Variants in MAP3K8 observed in about 807,000 individuals in gnomAD.
The protein encoded by MAP3K8 is mitogen-activated protein kinase kinase kinase 8, also known as Ewing sarcoma transformant.
In MAP3K8, 22 loss-of-function variants were observed where a neutral mutation model predicts 45.8. That is an observed-to-expected ratio of 0.48 (90% CI 0.34 to 0.69). MAP3K8 has a LOEUF of 0.69. Ranked by LOEUF, MAP3K8 falls within the 30% of genes least tolerant of loss-of-function variation. The probability of loss-of-function intolerance (pLI) is 0.01; values close to 1 mark genes in which losing one functional copy is unlikely to be tolerated. For synonymous variants in MAP3K8, 223 were observed against 214.3 expected (o/e 1.04, Z -0.36); for missense variants, 419 against 585.0 (o/e 0.72, Z 2.93).
intron 6 of MAP3K8, among the ~76,000 whole-genome samples, chr10:30,452,505 C>T (rs975500855): frequency 8.6e-5 from 13 of 151,056 alleles, no homozygotes; most frequent in African/African-American, 1.5e-4. Flanking sequence ...TGGTGGTACA[C>T]GCCTGTAGTC....
At chr10:30,458,262 G>GGGC (rs1198195106) in intron 7 of MAP3K8, 26 bp downstream of exon 7, 2 of 1,311,536 alleles carry the variant, frequency 1.5e-6, no homozygotes, top group Non-Finnish European at 2.0e-6. Flanking sequence ...CCAGGGCTGG[G>GGGC]GGCGGCGGGG....
intron 3 of MAP3K8, among the ~76,000 whole-genome samples, chr10:30,447,110 C>T (rs1042428553): frequency 1.3e-5 from 2 of 152,192 alleles, no homozygotes; most frequent in Admixed American, 1.3e-4. Context: ...TTGGCTTGCT[C>T]ATGAACCCTG....
chr10:30,441,555 A>G (rs952715066), intron 3 of MAP3K8, among the ~76,000 whole-genome samples: 1 of 152,248 alleles, frequency 6.6e-6, no homozygotes, highest in African/African-American at 2.4e-5. Flanking sequence ...AATATAACAT[A>G]TAAAACAAGA....
chr10:30,460,868 C>G lies in MAP3K8; in HGVS notation c.*32C>G. On this transcript the variant is annotated 3_prime_UTR_variant, in exon 9 of 9. Transcript: ENST00000263056. ...CCATGTTTGCTCTAAATTAAGACAG[C>G]ATTGATCTCCTGGAGGCTGGTTCTG... 5 of 1,610,484 alleles carry G rather than the reference C, an allele frequency of 3.1e-6. No homozygotes were observed. The highest frequency in any genetic ancestry group is 4.2e-6 in the Non-Finnish European group (5 of 1,179,396).
In MAP3K8 at chr10:30,459,505, G is replaced by A; in HGVS notation, c.1273+4G>A. The A allele has an allele frequency of 6.2e-7, 1 of 1,613,180 alleles. No individual in the cohort carries two copies. Among genetic ancestry groups the A allele is most frequent in the South Asian group, 1.1e-5 (1 of 91,012 alleles). On this transcript the variant is annotated splice_donor_region_variant and intron_variant, in intron 8 of 8. Transcript: ENST00000263056. ...GAACTTCCTGAGAACATTGCTGGTAGGGACACCCTGCTGTGTGCCGCACAC... is the reference window on the plus strand; with the variant it reads ...GAACTTCCTGAGAACATTGCTGGTAAGGACACCCTGCTGTGTGCCGCACAC...
chr10:30,449,247 G>A (rs1836451796), intron 4 of MAP3K8, among the ~76,000 whole-genome samples: 1 of 152,002 alleles, frequency 6.6e-6, no homozygotes, highest in South Asian at 2.1e-4. Flanking sequence ...GTTTTTTCTG[G>A]TTTGTTTTTC....
At chr10:30,443,526 C>A (rs1038784858) in intron 3 of MAP3K8, among the ~76,000 whole-genome samples, 1 of 152,126 alleles carries the variant, frequency 6.6e-6, no homozygotes, top group Non-Finnish European at 1.5e-5. Flanking sequence ...TGGGCAGGAC[C>A]CTGTGAACTC....
chr10:30,458,587 A>G (rs1321445452), intron 7 of MAP3K8, among the ~76,000 whole-genome samples: 2 of 152,328 alleles, frequency 1.3e-5, no homozygotes, highest in Non-Finnish European at 2.9e-5. Context: ...TTTATTATTA[A>G]TGTTCACACC....
At chr10:30,435,639 A>G (rs757168924) in intron 1 of MAP3K8, among the ~76,000 whole-genome samples, 31 of 151,810 alleles carry the variant, frequency 2.0e-4, no homozygotes, top group Admixed American at 2.6e-4. Context: ...TGCAACCTCC[A>G]CCTCCCGGGT....
rs1836880148 is a variant in MAP3K8 at position 30,460,052 on chromosome 10, A to G, written c.1273+551A>G. Among the ~76,000 whole-genome samples the G allele has an allele frequency of 2.0e-5, 3 of 152,266 alleles. No individual in the cohort carries two copies. In the South Asian group the frequency reaches 6.2e-4, roughly 32 times the overall value. On this transcript the variant is annotated intron_variant, in intron 8 of 8. Coordinates refer to ENST00000263056, the MANE Select transcript of MAP3K8 (RefSeq NM_005204.4). ...GAGATGGGGTTTCACCGTGTTGGCC[A>G]GGCTGGTCTCGAACTCCTGACCTCA...
At chr10:30,446,539 A>G (rs970056832) in intron 3 of MAP3K8, among the ~76,000 whole-genome samples, 7 of 151,552 alleles carry the variant, frequency 4.6e-5, no homozygotes, top group Non-Finnish European at 8.8e-5. Flanking sequence ...CATCTCAAAA[A>G]AAAAAAAAAA....
chr10:30,436,936 A>G (rs1388378039), intron 1 of MAP3K8, among the ~76,000 whole-genome samples: 1 of 151,718 alleles, frequency 6.6e-6, no homozygotes, highest in African/African-American at 2.4e-5. Flanking sequence ...TTCGACAAGC[A>G]GAAACTGCAA....
chr10:30,457,936 T>C (rs536908512), intron 6 of MAP3K8, 148 bp from the exon 7 acceptor site: 3 of 601,506 alleles, frequency 5.0e-6, no homozygotes, highest in Non-Finnish European at 7.8e-6. Flanking sequence ...CAGGGACACC[T>C]CCAGCAATTG....
chr10:30,450,185 A>G (rs1836487513), intron 4 of MAP3K8, 73 bp from the exon 5 acceptor site: 1 of 1,431,774 alleles, frequency 7.0e-7, no homozygotes. Flanking sequence ...TGTTTTTTGC[A>G]TTGACCTATA....
chr10:30,435,736 G>T (rs1032308531), intron 1 of MAP3K8, among the ~76,000 whole-genome samples: 4 of 152,096 alleles, frequency 2.6e-5, no homozygotes, highest in Non-Finnish European at 5.9e-5. Context: ...TAGAGACAGG[G>T]TTTCACCATG....
At chr10:30,440,453 A>G (rs1235669737) in intron 3 of MAP3K8, among the ~76,000 whole-genome samples, 1 of 152,208 alleles carries the variant, frequency 6.6e-6, no homozygotes. Context: ...ATTAAAAACA[A>G]CAGAGTAATT....
chr10:30,441,889 C>G (rs1452628295), intron 3 of MAP3K8, among the ~76,000 whole-genome samples: 1 of 152,214 alleles, frequency 6.6e-6, no homozygotes, highest in Non-Finnish European at 1.5e-5. Flanking sequence ...TGTTCAAGAT[C>G]TTTCTATTCC....
intron 3 of MAP3K8, among the ~76,000 whole-genome samples, chr10:30,441,251 G>A (rs1393735718): frequency 1.3e-5 from 2 of 151,946 alleles, no homozygotes; most frequent in African/African-American, 4.8e-5. Context: ...CCGCCTCATG[G>A]GTTCAAGCAA....
At chr10:30,453,915 A>AAGGAAGGAAGGAAGGAAG (rs376239307) in intron 6 of MAP3K8, among the ~76,000 whole-genome samples, 2 of 129,108 alleles carry the variant, frequency 1.5e-5, no homozygotes, top group African/African-American at 6.4e-5. Flanking sequence ...AGGGAGAGAG[A>AAGGAAGGAAGGAAGGAAG]GAAGGAAGGA....
Sources: allele counts gnomAD v4.1 joint callset (sites outside exome capture counted in the v4.1 genomes callset), GRCh38; gene constraint gnomAD v4.1.1; transcripts MANE v1.5; gene names NCBI Gene and HGNC (gene_info 2026-07-23, HGNC 2026-07-21).